The following PTPN18 variants were observed in gnomAD, a reference collection of about 807,000 sequenced individuals.
PTPN18 encodes tyrosine-protein phosphatase non-receptor type 18.
PTPN18 carries 65 observed loss-of-function variants against 65.4 expected under a neutral mutation model. That is an observed-to-expected ratio of 0.99 (90% confidence interval 0.81 to 1.22). PTPN18 has a LOEUF of 1.22. Among genes scored for constraint, PTPN18 ranks in the 50% most tolerant of loss-of-function variants. The probability of loss-of-function intolerance (pLI) is 0.00; values close to 1 mark genes in which losing one functional copy is unlikely to be tolerated. For missense variants in PTPN18, 616 were observed against 646.5 expected (o/e 0.95, Z 0.51); for synonymous variants, 255 against 267.8 (o/e 0.95, Z 0.47).
intron 5 of PTPN18, among the ~76,000 whole-genome samples, chr2:130,366,074 G>T (rs1680370838): frequency 6.6e-6 from 1 of 152,206 alleles, no homozygotes; most frequent in African/African-American, 2.4e-5. Context: ...GTGCAGAAGA[G>T]TTAAACATGG....
rs183864566 is a variant in PTPN18 at position 130,373,544 on chromosome 2, A to T, written c.*320A>T. ...GAGACTGCTCTCCTCACCACACAGC[A>T]CTAGTCCATCCTCAGCACCTGAGCC... On this transcript the variant is annotated 3_prime_UTR_variant, in exon 15 of 15. Transcript: ENST00000175756. The surrounding 1 kb of genome is among the most constrained non-coding windows in gnomAD (Gnocchi z 4.1). The T allele has an allele frequency of 4.4e-6, 1 of 229,834 alleles. No individual in the cohort carries two copies. The highest frequency in any genetic ancestry group is 2.3e-5 in the African/African-American group (1 of 44,186). The allele number at this position is 229,834 out of a possible 1,614,324, so 14.2% of individuals were successfully genotyped here.
intron 12 of PTPN18, 66 bp from the exon 13 acceptor site, chr2:130,372,191 A>T: frequency 6.9e-7 from 1 of 1,441,668 alleles, no homozygotes; most frequent in South Asian, 1.2e-5. Flanking sequence ...CGCGCTGAGC[A>T]GCCTCCCCAC....
intron 1 of PTPN18, 64 bp downstream of exon 1, chr2:130,356,264 C>A: frequency 8.5e-7 from 1 of 1,171,618 alleles, no homozygotes; most frequent in Non-Finnish European, 1.1e-6. Context: ...CGCCTGTCCT[C>A]CGCGCACGGC....
rs771018547 is a variant in PTPN18 at position 130,370,698 on chromosome 2, G to A, written c.757-7G>A. ...TCCTGCTCAAGTGCCTTGTCTGTCT[G>A]CCCCAGATGATCCCACCTGACTTCA... On this transcript the variant is annotated splice_polypyrimidine_tract_variant and splice_region_variant and intron_variant, in intron 9 of 14. Coordinates refer to ENST00000175756, the MANE Select transcript of PTPN18 (RefSeq NM_014369.4). The A allele has an allele frequency of 1.2e-6, 2 of 1,614,168 alleles. No individual in the cohort carries two copies. The highest frequency in any genetic ancestry group is 1.7e-6 in the Non-Finnish European group (2 of 1,180,004).
chr2:130,368,109 T>C (rs1279402464), intron 5 of PTPN18, among the ~76,000 whole-genome samples: 2 of 152,238 alleles, frequency 1.3e-5, no homozygotes, highest in Non-Finnish European at 2.9e-5. Flanking sequence ...CATTCCACTC[T>C]GCATCATGTT....
At position 130,358,966 on chromosome 2, in the gene PTPN18, G is replaced by A. The variant is rs772679189; in HGVS notation, c.193G>A (p.Val65Met). The change falls in exon 2 of 15, where the codon GTG becomes ATG. Residue 65 changes from valine to methionine, a missense_variant. Val to Met is a conservative substitution (Grantham distance 21). Coordinates refer to ENST00000175756, the MANE Select transcript of PTPN18 (RefSeq NM_014369.4). Reference protein sequence around the residue: ...ENVRKNRYKDVLPYDQTRVIL... With the variant: ...ENVRKNRYKDMLPYDQTRVIL... ...CGTGAGGAAGAACCGCTACAAAGAC[G>A]TGCTGCCTTGTAAGTCGGGGCTTCC... 41 of 1,613,794 alleles carry A rather than the reference G, an allele frequency of 2.5e-5. No homozygotes were observed. Among genetic ancestry groups the A allele is most frequent in the Middle Eastern group, 1.6e-4 (1 of 6,082 alleles).
At position 130,371,306 on chromosome 2, in the gene PTPN18, G is replaced by A. The variant is rs775596891; in HGVS notation, c.1013+19G>A. 39 of 1,543,676 alleles carry A rather than the reference G, an allele frequency of 2.5e-5. No individual in the cohort carries two copies. The highest frequency in any genetic ancestry group is 4.5e-5 in the South Asian group (4 of 89,300). On this transcript the variant is annotated intron_variant, in intron 12 of 14. Transcript: ENST00000175756. ...TCCTCAGGTACCCGGCTCCATCCCC[G>A]GATTCTTCCCTGCCCAATTTCTCAG...
intron 7 of PTPN18, 44 bp from the exon 8 acceptor site, chr2:130,370,004 C>CT (rs751778097): frequency 6.2e-6 from 10 of 1,603,378 alleles, no homozygotes; most frequent in East Asian, 4.5e-5. Flanking sequence ...ATGCTTTTTT[C>CT]TTTTTTTTCC....
rs201768784 is a variant in PTPN18 at position 130,359,673 on chromosome 2, A to C, written c.414+27A>C. 3,409 of 1,610,792 alleles carry C rather than the reference A, an allele frequency of 2.1e-3. 3 individuals are homozygous for C. Among genetic ancestry groups the C allele is most frequent in the Non-Finnish European group, 2.7e-3 (3,193 of 1,177,046 alleles). ...TAGGTGCCCTCTGCCCCCAGGTTTC[A>C]TGTCCTTGTGGGAGGAGGGAGGAGG... is the stretch of plus-strand genomic sequence containing the variant. On this transcript the variant is annotated intron_variant, in intron 5 of 14. Transcript: ENST00000175756.
At position 130,358,317 on chromosome 2, in the gene PTPN18, A is replaced by AAAT. The variant is rs201260193; in HGVS notation, c.94-549_94-548insATA. 7.7e-3 allele frequency among the ~76,000 whole-genome samples: 1,179 copies of AAAT among 152,380 alleles called. 9 individuals carry two copies. Among genetic ancestry groups the AAAT allele is most frequent in the Non-Finnish European group, 0.013 (870 of 68,032 alleles). Reference sequence around the variant, plus strand: ...CGATGATGGTAATACACGATTCACTAATTATTATTATAATCTCCCAGTAAC... The same window carrying AAAT: ...CGATGATGGTAATACACGATTCACTAAATATTATTATTATAATCTCCCAGTAAC... On this transcript the variant is annotated intron_variant, in intron 1 of 14. Transcript: ENST00000175756.
Position 130,358,930 on chromosome 2 carries a change from C to T in PTPN18, c.157C>T (p.Arg53Trp), listed in dbSNP as rs990019439. 1.3e-5 allele frequency: 21 copies of T among 1,614,166 alleles called. No individual in the cohort carries two copies. The highest frequency in any genetic ancestry group is 1.5e-5 in the Non-Finnish European group (18 of 1,180,014). ...DGVCSTVAGS[R>W]PENVRKNRYK... ...CGTGTGCTCCACCGTGGCCGGCAGT[C>T]GGCCAGAGAACGTGAGGAAGAACCG... The change falls in exon 2 of 15, where the codon CGG (arginine) becomes TGG (tryptophan). Residue 53 changes from arginine (R) to tryptophan (W), a missense_variant. Arg to Trp is a moderately radical substitution (Grantham distance 101, BLOSUM62 -3). This residue lies in a region of PTPN18 where 223 missense variants were observed against 210.0 expected (regional missense o/e 1.06). Transcript: ENST00000175756.
At chr2:130,370,681 A>G in intron 9 of PTPN18, 24 bp from the exon 10 acceptor site, 2 of 1,614,082 alleles carry the variant, frequency 1.2e-6, no homozygotes, top group Non-Finnish European at 1.7e-6. Context: ...TGTCCTGCTC[A>G]AGTGCCTTGT....
intron 5 of PTPN18, among the ~76,000 whole-genome samples, chr2:130,368,589 T>C (rs550581678): frequency 3.9e-5 from 6 of 152,348 alleles, no homozygotes; most frequent in African/African-American, 1.4e-4. Context: ...TGGGGTTTCA[T>C]GTTGTATATA....
intron 5 of PTPN18, chr2:130,362,532 T>G (rs1680249080): frequency 5.7e-6 from 1 of 175,598 alleles, no homozygotes; most frequent in Admixed American, 5.7e-5. Context: ...ATATATATCT[T>G]TAACTTATAG....
chr2:130,373,514 T>G lies in PTPN18; in HGVS notation c.*290T>G. On this transcript the variant is annotated 3_prime_UTR_variant, in exon 15 of 15. Coordinates refer to ENST00000175756, the MANE Select transcript of PTPN18 (RefSeq NM_014369.4). This position sits in a 1 kb window ranked among gnomAD's most constrained non-coding sequence, Gnocchi z 4.1. Reference sequence around the variant, plus strand: ...TGAAGGGGAGAAGGGACAGATGAGCTTCCGGAGACTGCTCTCCTCACCACA... The same window carrying G: ...TGAAGGGGAGAAGGGACAGATGAGCGTCCGGAGACTGCTCTCCTCACCACA... 1 of 285,818 alleles carries G rather than the reference T, an allele frequency of 3.5e-6. No individual in the cohort carries two copies. The allele number at this position is 285,818 out of a possible 1,614,324, so 17.7% of individuals were successfully genotyped here. A position where few individuals can be genotyped will look rare whatever the true frequency, so the allele number is the denominator to read the frequency against.
rs1361177840 is a variant in PTPN18 at position 130,372,467 on chromosome 2, G to A, written c.1224G>A (p.Gly408=). The change falls in exon 13 of 15, where the codon GGG becomes GGA. Residue 408 remains glycine, a synonymous_variant. Coordinates refer to ENST00000175756, the MANE Select transcript of PTPN18 (RefSeq NM_014369.4). ...RPGAHAEDAR[G]TLPGRVPADQ... Reference sequence around the variant, plus strand: ...GGGCGCACGCGGAGGACGCGAGGGGGACGCTGCCTGGCCGCGGTGAGTCGA... The same window carrying A: ...GGGCGCACGCGGAGGACGCGAGGGGAACGCTGCCTGGCCGCGGTGAGTCGA... 6 of 1,373,598 alleles carry A rather than the reference G, an allele frequency of 4.4e-6. No individual in the cohort carries two copies. Among genetic ancestry groups the A allele is most frequent in the Non-Finnish European group, 4.7e-6 (5 of 1,071,046 alleles). 85.1% of individuals were successfully genotyped at this position (1,373,598 alleles called of 1,614,324 possible).
In PTPN18 at chr2:130,356,150, C is replaced by G; in HGVS notation, c.43C>G (p.Leu15Val). Residue 15 changes from leucine to valine, a missense_variant, in exon 1 of 15, where the codon CTG becomes GTG. Around this residue, in one of 3 missense-constraint regions of PTPN18, gnomAD observed 223 missense variants for 210.0 expected, o/e 1.06. Coordinates refer to ENST00000175756, the MANE Select transcript of PTPN18 (RefSeq NM_014369.4). Reference sequence around the variant, plus strand: ...CTCGGCGCGGAGCTTCCTGGAGCGGCTGGAAGCGCGGGGCGGCCGGGAGGG... The same window carrying G: ...CTCGGCGCGGAGCTTCCTGGAGCGGGTGGAAGCGCGGGGCGGCCGGGAGGG... ...LDSARSFLER[L>V]EARGGREGAV... 7.6e-7 allele frequency: 1 copy of G among 1,314,206 alleles called. No homozygotes were observed. Among genetic ancestry groups the G allele is most frequent in the Non-Finnish European group, 9.7e-7 (1 of 1,036,000 alleles). 81.4% of individuals were successfully genotyped at this position (1,314,206 alleles called of 1,614,324 possible).
At chr2:130,359,750 G>C in intron 5 of PTPN18, 104 bp downstream of exon 5, 1 of 1,368,790 alleles carries the variant, frequency 7.3e-7, no homozygotes, top group Non-Finnish European at 1.0e-6. Context: ...AGCTCTTGGA[G>C]TGACCTTATT....
intron 12 of PTPN18, 93 bp from the exon 13 acceptor site, chr2:130,372,164 A>C: frequency 8.1e-7 from 1 of 1,239,306 alleles, no homozygotes; most frequent in Non-Finnish European, 1.1e-6. Flanking sequence ...CTCGGCGGGA[A>C]GGAAGCCCGT....
Sources: allele counts gnomAD v4.1 joint callset (sites outside exome capture counted in the v4.1 genomes callset), GRCh38; gene constraint gnomAD v4.1.1; regional missense constraint gnomAD v4.1.1; non-coding constraint Gnocchi (gnomAD v3.1); transcripts MANE v1.5; gene names NCBI Gene and HGNC (gene_info 2026-07-23, HGNC 2026-07-21).